POMGNT1: variants seen among roughly 807,000 people sequenced by gnomAD.
The protein encoded by POMGNT1 is protein O-linked-mannose beta-1,2-N-acetylglucosaminyltransferase 1.
Under a neutral mutation model 95.6 loss-of-function variants are expected in POMGNT1, and 67 were observed. That is an observed-to-expected ratio of 0.70 (90% CI 0.58 to 0.86). The LOEUF is 0.86. Among genes scored for constraint, POMGNT1 ranks in the 40% least tolerant of loss-of-function variants. The pLI, the probability that POMGNT1 is intolerant of heterozygous loss-of-function variation, is 0.00. For synonymous variants in POMGNT1, 298 were observed against 317.9 expected (o/e 0.94, Z 0.66); for missense variants, 719 against 855.2 (o/e 0.84, Z 1.99).
chr1:46,195,994 C>G lies in POMGNT1; in HGVS notation c.420+18G>C. 6.2e-7 allele frequency: 1 copy of G among 1,614,070 alleles called. No homozygotes were observed. Among genetic ancestry groups the G allele is most frequent in the Non-Finnish European group, 8.5e-7 (1 of 1,180,014 alleles). On this transcript the variant is annotated intron_variant, in intron 5 of 21. Coordinates refer to ENST00000371984, the MANE Select transcript of POMGNT1 (RefSeq NM_017739.4). ...GCCCAGCTCCAGCCCTCTGGGTCACCCACCCCTAGAAACTCACCGTGGCCT... is the reference window on the plus strand; with the variant it reads ...GCCCAGCTCCAGCCCTCTGGGTCACGCACCCCTAGAAACTCACCGTGGCCT...
At chr1:46,190,120 A>G (rs1045903124) in intron 19 of POMGNT1, 131 bp from the exon 20 acceptor site, 77 of 982,356 alleles carry the variant, frequency 7.8e-5, no homozygotes, top group Non-Finnish European at 1.1e-4. Context: ...TTTTTTTGAG[A>G]TGGAGTCTTG....
rs1040074839 is a variant in POMGNT1, at chr1:46,194,679, G to A, written c.653-28C>T. The A allele has an allele frequency of 2.5e-6, 4 of 1,614,152 alleles. No homozygotes were observed. In the Admixed American group the frequency reaches 5.0e-5, roughly 20 times the overall value. ...GGCAGGAGGCAGGAATGAGGGCCAT[G>A]GGGGCCCAGACACCAGTTTGGGGGC... On this transcript the variant is annotated intron_variant, in intron 7 of 21. Coordinates refer to ENST00000371984, the MANE Select transcript of POMGNT1 (RefSeq NM_017739.4).
chr1:46,193,610 C>G lies in POMGNT1; in HGVS notation c.980G>C (p.Gly327Ala). The G allele has an allele frequency of 6.2e-7, 1 of 1,614,180 alleles. No individual in the cohort carries two copies. The highest frequency in any genetic ancestry group is 1.1e-5 in the South Asian group (1 of 91,078). The change falls in exon 11 of 22, where the codon GGG becomes GCG. Residue 327 changes from glycine to alanine, a missense_variant. By Grantham distance (60) the Gly-to-Ala change is moderately conservative (BLOSUM62 0). Coordinates refer to ENST00000371984, the MANE Select transcript of POMGNT1 (RefSeq NM_017739.4). ...RMLRSLLSAQ[G>A]VSPQMITVFI... Reference sequence around the variant, plus strand: ...AACTGTTATCATCTGAGGAGACACCCCCTGGGCTGAAAGCAGAGAGCGCAG... The same window carrying G: ...AACTGTTATCATCTGAGGAGACACCGCCTGGGCTGAAAGCAGAGAGCGCAG...
At chr1:46,201,850 A>G (rs972918647), upstream of POMGNT1, among the ~76,000 whole-genome samples, 2 of 151,760 alleles carry the variant, frequency 1.3e-5, no homozygotes, top group African/African-American at 4.8e-5. Context: ...ATTGAGAAGT[A>G]GTGTGGCTGG....
chr1:46,194,569 T>C lies in POMGNT1; in HGVS notation c.735A>G (p.Pro245=), dbSNP rs139266745. Residue 245 remains proline, a synonymous_variant, in exon 8 of 22, where the codon CCA becomes CCG. Transcript: ENST00000371984. ...GDPVLLKTDV[P]LSSAEEAECH... ...TAACTCCACCTTCTGCTGAGCTCAA[T>C]GGCACATCTGTCTTCAGCAGGACTG... is the stretch of plus-strand genomic sequence containing the variant. 20 of 1,613,922 alleles carry C rather than the reference T, an allele frequency of 1.2e-5. No individual in the cohort carries two copies. Among genetic ancestry groups the C allele is most frequent in the Admixed American group, 3.3e-5 (2 of 59,992 alleles).
chr1:46,189,500 T>G lies in POMGNT1; in HGVS notation c.1853A>C (p.Lys618Thr). 1.2e-6 allele frequency: 2 copies of G among 1,613,748 alleles called. No homozygotes were observed. The highest frequency in any genetic ancestry group is 1.7e-6 in the Non-Finnish European group (2 of 1,179,850). Residue 618 changes from lysine (K) to threonine (T), a missense_variant, in exon 21 of 22, where the codon AAG becomes ACG. Lys to Thr is a moderately conservative substitution (Grantham distance 78). Coordinates refer to ENST00000371984, the MANE Select transcript of POMGNT1 (RefSeq NM_017739.4). ...GACCCCCACCATCAGGAAGTGGTTC[T>G]TCTTCCGAAACAATCTCCACAGGCC... ...HRGLWRLFRK[K>T]NHFLMVGVPA... is the part of the protein sequence containing the mutation.
Position 46,190,546 on chromosome 1 carries a change from G to T in POMGNT1, c.1605-29C>A, listed in dbSNP as rs1657683754. 2.5e-6 allele frequency: 4 copies of T among 1,578,966 alleles called. No homozygotes were observed. The East Asian group carries it at 9.0e-5, about 35-fold the overall frequency. ...AAGAGGAGGGAGAAATGGGTCAGGGGAGTGGGCAGGCCCTCAGGTCCCATG... is the reference window on the plus strand; with the variant it reads ...AAGAGGAGGGAGAAATGGGTCAGGGTAGTGGGCAGGCCCTCAGGTCCCATG... On this transcript the variant is annotated intron_variant, in intron 18 of 21. Transcript: ENST00000371984.
In POMGNT1 at chr1:46,192,446, G is replaced by A; in HGVS notation, c.1285-10C>T. The A allele has an allele frequency of 6.2e-7, 1 of 1,614,180 alleles. No homozygotes were observed. Among genetic ancestry groups the A allele is most frequent in the Non-Finnish European group, 8.5e-7 (1 of 1,180,036 alleles). On this transcript the variant is annotated splice_polypyrimidine_tract_variant and intron_variant, in intron 15 of 21. Coordinates refer to ENST00000371984, the MANE Select transcript of POMGNT1 (RefSeq NM_017739.4). ...CCGTGTGTTCATACCCCTGGGGACA[G>A]GGTGCCATAGTGGGAGGTATTAGCT...
upstream of POMGNT1, among the ~76,000 whole-genome samples, chr1:46,201,830 A>G (rs931850043): frequency 1.1e-4 from 16 of 151,852 alleles, no homozygotes; most frequent in Non-Finnish European, 2.1e-4. Flanking sequence ...ACAGCAGATG[A>G]ATGTTTAAAA....
rs386834036 is a variant in POMGNT1 at position 46,194,637 on chromosome 1, C to T, written c.667G>A (p.Glu223Lys). The change falls in exon 8 of 22, where the codon GAG becomes AAG. Residue 223 changes from glutamate (E) to lysine (K), a missense_variant. Around this residue, in one of 5 missense-constraint regions of POMGNT1, gnomAD observed 466 missense variants for 517.4 expected, o/e 0.90. Transcript: ENST00000371984. ...AGGGCAGGTGATTTAGAATGTTTCT[C>T]CCCGAAGACAGGACCTGGCAGGAGG... Reference protein sequence around the residue: ...VGRKGGPVFGEKHSKSPALSS... With the variant: ...VGRKGGPVFGKKHSKSPALSS... 3 of 1,614,238 alleles carry T rather than the reference C, an allele frequency of 1.9e-6. No individual in the cohort carries two copies. The highest frequency in any genetic ancestry group is 4.5e-5 in the East Asian group (2 of 44,886).
chr1:46,213,279 A>G (rs1658960808), intron 1 of POMGNT1, among the ~76,000 whole-genome samples: 1 of 150,886 alleles, frequency 6.6e-6, no homozygotes, highest in Non-Finnish European at 1.5e-5. Flanking sequence ...GATATATGGC[A>G]CTTGATATTG....
rs80107141 is a variant in POMGNT1 at position 46,197,832 on chromosome 1, C to T, written c.-11G>A. 3,821 of 1,613,710 alleles carry T rather than the reference C, an allele frequency of 2.4e-3. 46 individuals are homozygous for T. The highest frequency in any genetic ancestry group is 0.016 in the South Asian group (1,474 of 91,056). On this transcript the variant is annotated 5_prime_UTR_variant, in exon 2 of 22. Coordinates refer to ENST00000371984, the MANE Select transcript of POMGNT1 (RefSeq NM_017739.4). The stretch of plus-strand genomic sequence containing the variant: ...CTTCCAGTCGTCCATACCGGATTGG[C>T]GGGTCACCAATGTCCTGGCCAGCCC...
intron 2 of POMGNT1, chr1:46,197,319 G>A (rs958935344): frequency 2.0e-6 from 3 of 1,488,502 alleles, no homozygotes; most frequent in Admixed American, 4.0e-5. Flanking sequence ...CAGTGCTCCT[G>A]TATTCTTCTA....
intron 1 of POMGNT1, 59 bp from the exon 2 acceptor site, chr1:46,197,930 TG>T: frequency 6.5e-7 from 1 of 1,539,410 alleles, no homozygotes. Flanking sequence ...TGATGCCTTC[TG>T]GGGAGATGAG....
At position 46,195,838 on chromosome 1, in the gene POMGNT1, G is replaced by A. The variant is rs576860809; in HGVS notation, c.507C>T (p.Pro169=). Residue 169 remains proline (P), a synonymous_variant, in exon 6 of 22, where the codon CCC becomes CCT. Transcript: ENST00000371984. ...TGACAGTGCAGATGAGCACTCGGCC[G>A]GGCGCTACCATGTTGAGGAATAGCA... is the stretch of plus-strand genomic sequence containing the variant. ...AMVLFLNMVA[P]GRVLICTVKD... 49 of 1,605,482 alleles carry A rather than the reference G, an allele frequency of 3.1e-5. No individual in the cohort carries two copies. Among genetic ancestry groups the A allele is most frequent in the East Asian group, 2.9e-4 (13 of 44,718 alleles).
At chr1:46,211,018 G>A (rs1002892835) in intron 1 of POMGNT1, among the ~76,000 whole-genome samples, 1 of 150,686 alleles carries the variant, frequency 6.6e-6, no homozygotes, top group South Asian at 2.1e-4. Flanking sequence ...GGGATCAAGC[G>A]ATCCTCCCAC....
At chr1:46,211,787 C>T (rs548078455) in intron 1 of POMGNT1, among the ~76,000 whole-genome samples, 9 of 152,080 alleles carry the variant, frequency 5.9e-5, no homozygotes, top group Admixed American at 2.0e-4. Flanking sequence ...TTTTTTGAGA[C>T]GGAGTCTTGC....
upstream of POMGNT1, among the ~76,000 whole-genome samples, chr1:46,202,370 C>T (rs931815921): frequency 1.3e-5 from 2 of 151,996 alleles, no homozygotes; most frequent in Non-Finnish European, 2.9e-5. Flanking sequence ...GGACCAGCAG[C>T]ATGGCCATCA....
In POMGNT1 at chr1:46,192,536, G is replaced by A; in HGVS notation, c.1266C>T (p.Ile422=). The A allele has an allele frequency of 6.2e-7, 1 of 1,614,192 alleles. No individual in the cohort carries two copies. The highest frequency in any genetic ancestry group is 8.5e-7 in the Non-Finnish European group (1 of 1,180,034). ...LLEEDDSLYC[I]SAWNDQGYEH... ...AGCCTACCTGGTCATTCCAGGCAGA[G>A]ATGCAGTACAGGCTGTCATCCTCCT... Residue 422 remains isoleucine, a synonymous_variant, in exon 15 of 22, where the codon ATC becomes ATT. Transcript: ENST00000371984.
Sources: gnomAD v4.1 joint callset for allele counts (sites outside exome capture counted in the v4.1 genomes callset) on GRCh38, gnomAD v4.1.1 for gene constraint, gnomAD v4.1.1 regional missense constraint, MANE v1.5 for transcripts, NCBI Gene and HGNC (gene_info 2026-07-23, HGNC 2026-07-21) for gene names.